Variants in ZNG1C observed in about 807,000 individuals in gnomAD.
The protein encoded by ZNG1C is zinc-regulated GTPase metalloprotein activator 1C.
At chr9:68,257,594 C>T in the ZNG1C span, among the ~76,000 whole-genome samples, 1 of 114,156 alleles carries the variant, frequency 8.8e-6, no homozygotes, top group African/African-American at 3.6e-5. Flanking sequence ...GATTTATGCC[C>T]TTAATATAAT....
the ZNG1C span, chr9:68,253,310 A>G: frequency 4.7e-5 from 2 of 42,364 alleles, no homozygotes; most frequent in Admixed American, 2.7e-4. Context: ...TGGTTCTGTC[A>G]TAATTCTTTT....
the ZNG1C span, among the ~76,000 whole-genome samples, chr9:68,284,921 C>T: frequency 1.4e-4 from 20 of 142,464 alleles, no homozygotes; most frequent in East Asian, 3.6e-3. Context: ...TTTTTTGCTG[C>T]GTATGAAGTT....
the ZNG1C span, among the ~76,000 whole-genome samples, chr9:68,284,892 T>C: frequency 7.4e-6 from 1 of 135,984 alleles, no homozygotes; most frequent in Non-Finnish European, 1.6e-5. Context: ...TGTTCGTTGT[T>C]AGATTTTTTT....
chr9:68,264,869 T>TTAA, the ZNG1C span, among the ~76,000 whole-genome samples: 4 of 74,686 alleles, frequency 5.4e-5, no homozygotes, highest in Non-Finnish European at 1.0e-4. Context: ...ATAATAATAA[T>TTAA]TATTATTATT....
the ZNG1C span, among the ~76,000 whole-genome samples, chr9:68,247,434 A>T: frequency 6.6e-6 from 1 of 151,604 alleles, no homozygotes; most frequent in Non-Finnish European, 1.5e-5. Context: ...CTTAAATAAA[A>T]GCTAAAATAA....
the ZNG1C span, among the ~76,000 whole-genome samples, chr9:68,288,158 CTG>C: frequency 2.3e-5 from 3 of 131,030 alleles, no homozygotes; most frequent in African/African-American, 9.2e-5. Flanking sequence ...TTCTTTTCCT[CTG>C]TGTATAGAGA....
the ZNG1C span, among the ~76,000 whole-genome samples, chr9:68,276,463 T>C: frequency 8.1e-6 from 1 of 124,004 alleles, no homozygotes; most frequent in Non-Finnish European, 1.7e-5. Context: ...CTTTAATCCA[T>C]CTTGAATTGA....
chr9:68,288,274 T>A, the ZNG1C span, among the ~76,000 whole-genome samples: 2 of 141,228 alleles, frequency 1.4e-5, no homozygotes, highest in Admixed American at 1.4e-4. Flanking sequence ...AGAGTGACCT[T>A]CCTGATTCTG....
At chr9:68,284,909 T>C in the ZNG1C span, among the ~76,000 whole-genome samples, 1 of 150,602 alleles carries the variant, frequency 6.6e-6, no homozygotes, top group African/African-American at 2.4e-5. Context: ...TTTTTTTTTT[T>C]TTTTTTTGCT....
At chr9:68,246,417 CTG>C in the ZNG1C span, among the ~76,000 whole-genome samples, 27 of 107,486 alleles carry the variant, frequency 2.5e-4, no homozygotes, top group Non-Finnish European at 4.1e-4. Context: ...TAATAACAGA[CTG>C]TTTTTTTCAT....
the ZNG1C span, among the ~76,000 whole-genome samples, chr9:68,293,117 C>CA: frequency 6.6e-6 from 1 of 151,464 alleles, no homozygotes; most frequent in Non-Finnish European, 1.5e-5. Flanking sequence ...TTCAGACAAA[C>CA]AGAGAATTCA....
chr9:68,247,234 G>A, the ZNG1C span, among the ~76,000 whole-genome samples: 1 of 150,552 alleles, frequency 6.6e-6, no homozygotes, highest in Non-Finnish European at 1.5e-5. Context: ...AAAAAGATAA[G>A]GCAGTCTCTT....
At chr9:68,291,680 CTT>C in the ZNG1C span, among the ~76,000 whole-genome samples, 1 of 144,108 alleles carries the variant, frequency 6.9e-6, no homozygotes, top group East Asian at 2.0e-4. Flanking sequence ...CAATTTGAAT[CTT>C]TTTTTAGTCT....
the ZNG1C span, among the ~76,000 whole-genome samples, chr9:68,287,543 G>C: frequency 3.3e-5 from 5 of 152,410 alleles, no homozygotes; most frequent in Middle Eastern, 6.8e-3. Context: ...TTTGCCTGGA[G>C]TATTTAAAAA....
chr9:68,257,028 G>GTTTTTTTTGTT, the ZNG1C span: 1 of 89,888 alleles, frequency 1.1e-5, no homozygotes, highest in East Asian at 2.0e-4. Flanking sequence ...TTTTTTTTTT[G>GTTTTTTTTGTT]TTTTTTTTTT....
At chr9:68,274,021 G>T in the ZNG1C span, 2 of 145,694 alleles carry the variant, frequency 1.4e-5, no homozygotes, top group East Asian at 4.0e-4. Flanking sequence ...TGTATTTTTG[G>T]TAGAGACAGG....
the ZNG1C span, chr9:68,274,683 T>TAAAAAAA: frequency 2.0e-5 from 1 of 50,214 alleles, no homozygotes; most frequent in Admixed American, 2.6e-4. Context: ...ATTGAAAGTT[T>TAAAAAAA]AAAAAAAACC....
the ZNG1C span, chr9:68,249,022 G>A: frequency 5.4e-5 from 21 of 390,576 alleles, no homozygotes; most frequent in Non-Finnish European, 1.0e-5. Context: ...ACTTTTTTTG[G>A]TTTAAAAGAG....
At chr9:68,249,140 G>A in the ZNG1C span, 1 of 559,096 alleles carries the variant, frequency 1.8e-6, no homozygotes, top group South Asian at 2.2e-5. Context: ...ATTGATTTAG[G>A]ATTATTTGTA....
Sources: allele counts gnomAD v4.1 joint callset (sites outside exome capture counted in the v4.1 genomes callset), GRCh38; gene constraint gnomAD v4.1.1; transcripts MANE v1.5; gene names NCBI Gene and HGNC (gene_info 2026-07-23, HGNC 2026-07-21).